SSBP2: variants seen among roughly 807,000 people sequenced by gnomAD.
The protein encoded by SSBP2 is single stranded DNA binding protein 2.
In SSBP2, 17 loss-of-function variants were observed where a neutral mutation model predicts 61.8. The ratio of observed to expected loss-of-function variants is 0.28; its 90% CI spans 0.19 to 0.41. The LOEUF (loss-of-function observed/expected upper bound fraction) is 0.41. Among genes scored for constraint, SSBP2 ranks in the 10% least tolerant of loss-of-function variants. The pLI is 1.00. For missense variants in SSBP2, 310 were observed against 458.7 expected (o/e 0.68, Z 2.96); for synonymous variants, 139 against 141.3 (o/e 0.98, Z 0.12).
intron 1 of SSBP2, among the ~76,000 whole-genome samples, chr5:81,718,989 T>G (rs962515988): frequency 5.3e-5 from 8 of 152,158 alleles, no homozygotes; most frequent in South Asian, 2.1e-4. Context: ...ACTAAATTTT[T>G]GGGGGTTTGT....
At chr5:81,475,692 A>G (rs1355423705) in intron 6 of SSBP2, among the ~76,000 whole-genome samples, 1 of 151,936 alleles carries the variant, frequency 6.6e-6, no homozygotes, top group Non-Finnish European at 1.5e-5. Flanking sequence ...AACTAAACTG[A>G]AAAAAAATCT....
At chr5:81,603,402 G>A (rs1411429513) in intron 4 of SSBP2, among the ~76,000 whole-genome samples, 2 of 152,234 alleles carry the variant, frequency 1.3e-5, no homozygotes, top group South Asian at 4.1e-4. Context: ...AGAGACCAGG[G>A]AAGAAGCCTC....
intron 1 of SSBP2, among the ~76,000 whole-genome samples, chr5:81,725,742 G>A (rs554578456): frequency 7.2e-5 from 11 of 152,230 alleles, no homozygotes; most frequent in South Asian, 4.1e-4. Flanking sequence ...CTGAAATACA[G>A]TTTTAAAAAG....
intron 4 of SSBP2, among the ~76,000 whole-genome samples, chr5:81,543,606 G>A (rs931134419): frequency 6.6e-6 from 1 of 152,052 alleles, no homozygotes; most frequent in South Asian, 2.1e-4. Flanking sequence ...TCAGCATCAT[G>A]CAATACATCC....
intron 1 of SSBP2, among the ~76,000 whole-genome samples, chr5:81,695,241 T>A (rs1267073799): frequency 6.6e-6 from 1 of 152,244 alleles, no homozygotes; most frequent in South Asian, 2.1e-4. Flanking sequence ...TTGTACTTCA[T>A]GTTGTATTCT....
At chr5:81,615,131 CATTT>C in intron 4 of SSBP2, 1 of 176,798 alleles carries the variant, frequency 5.7e-6, no homozygotes, top group Non-Finnish European at 1.2e-5. Context: ...AGAAATTTAT[CATTT>C]ACAGAAATCT....
intron 1 of SSBP2, among the ~76,000 whole-genome samples, chr5:81,727,680 T>C (rs1380706248): frequency 1.3e-5 from 2 of 152,226 alleles, no homozygotes; most frequent in Non-Finnish European, 2.9e-5. Context: ...GGACAGTAAA[T>C]ATAAATTGAG....
intron 4 of SSBP2, among the ~76,000 whole-genome samples, chr5:81,571,375 G>A (rs941829273): frequency 7.2e-5 from 11 of 152,138 alleles, no homozygotes; most frequent in Admixed American, 4.6e-4. Flanking sequence ...GCATTTTGCA[G>A]CCTTCTAATA....
intron 1 of SSBP2, among the ~76,000 whole-genome samples, chr5:81,667,746 C>A (rs1268411432): frequency 6.6e-6 from 1 of 151,998 alleles, no homozygotes; most frequent in East Asian, 1.9e-4. Context: ...TGAATTGTTA[C>A]CTCTACAGAG....
Position 81,415,454 on chromosome 5 carries a change from TG to T in SSBP2, c.*5049del, listed in dbSNP as rs1580618491. The T allele has an allele frequency of 6.6e-6, 1 of 152,326 alleles. No homozygotes were observed. Among genetic ancestry groups the T allele is most frequent in the East Asian group, 1.9e-4 (1 of 5,186 alleles). The allele number at this position is 152,326 out of a possible 1,614,324, so 9.4% of individuals were successfully genotyped here. A position where few individuals can be genotyped will look rare whatever the true frequency, so the allele number is the denominator to read the frequency against. ...CTAATACAATGTATTATAAATGCCA[TG>T]GAAATCATTGTTACAATGTATTATT... On this transcript the variant is annotated 3_prime_UTR_variant, in exon 17 of 17. Transcript: ENST00000320672.
rs547575123 is a variant in SSBP2 at position 81,622,872 on chromosome 5, C to G, written c.198-7315G>C. Among the ~76,000 whole-genome samples, 63 of 152,162 alleles carry G rather than the reference C, an allele frequency of 4.1e-4. 1 individual carries two copies. The South Asian group carries it at 0.013, about 32-fold the overall frequency. On this transcript the variant is annotated intron_variant, in intron 3 of 16. Coordinates refer to ENST00000320672, the MANE Select transcript of SSBP2 (RefSeq NM_012446.5). ...TTCAGTAAAGTAAGATTACCTTCAG[C>G]GGGGAAAAACGTGAAAAACTGCGTA...
intron 1 of SSBP2, among the ~76,000 whole-genome samples, chr5:81,741,028 C>A (rs1319367823): frequency 6.6e-6 from 1 of 152,106 alleles, no homozygotes. Flanking sequence ...CCATGTTAAG[C>A]GATGAAACAC....
At chr5:81,708,114 G>A (rs149536224) in intron 1 of SSBP2, among the ~76,000 whole-genome samples, 2 of 152,176 alleles carry the variant, frequency 1.3e-5, no homozygotes, top group Admixed American at 1.3e-4. Flanking sequence ...CTAAGACACA[G>A]CTATTACTGA....
chr5:81,424,595 C>A lies in SSBP2; in HGVS notation c.1056+3990G>T, dbSNP rs1401831022. ...CCTGGGTGTCTACATATGCAACGTG[C>A]TATTTACACTCCTGAGGCTGTAAAA... is the stretch of plus-strand genomic sequence containing the variant. On this transcript the variant is annotated intron_variant, in intron 16 of 16. Coordinates refer to ENST00000320672, the MANE Select transcript of SSBP2 (RefSeq NM_012446.5). Among the ~76,000 whole-genome samples the A allele has an allele frequency of 3.9e-5, 6 of 152,238 alleles. No individual in the cohort carries two copies. In the South Asian group the frequency reaches 1.2e-3, roughly 32 times the overall value.
At chr5:81,736,835 GGA>G (rs1320725760) in intron 1 of SSBP2, among the ~76,000 whole-genome samples, 4 of 152,102 alleles carry the variant, frequency 2.6e-5, no homozygotes, top group African/African-American at 9.7e-5. Flanking sequence ...GCTAACCAAG[GGA>G]GAGTTAAAAA....
At chr5:81,652,191 TC>T (rs1749789436) in intron 1 of SSBP2, among the ~76,000 whole-genome samples, 1 of 152,142 alleles carries the variant, frequency 6.6e-6, no homozygotes, top group Admixed American at 6.6e-5. Context: ...TTCAGAACGG[TC>T]AAGGCCAGGG....
At chr5:81,611,991 G>A (rs187667276) in intron 4 of SSBP2, among the ~76,000 whole-genome samples, 1 of 152,052 alleles carries the variant, frequency 6.6e-6, no homozygotes. Context: ...TATATCTTAT[G>A]TTAAGTACTC....
chr5:81,698,556 A>C (rs1447442648), intron 1 of SSBP2, among the ~76,000 whole-genome samples: 1 of 152,212 alleles, frequency 6.6e-6, no homozygotes, highest in Non-Finnish European at 1.5e-5. Flanking sequence ...TCACGCCTAT[A>C]ATCCTAGCAC....
chr5:81,705,227 A>C (rs966024872), intron 1 of SSBP2, among the ~76,000 whole-genome samples: 2 of 152,154 alleles, frequency 1.3e-5, no homozygotes. Flanking sequence ...AGAGGAAAAC[A>C]CTTGAAAATA....
Sources: gnomAD v4.1 joint callset for allele counts (sites outside exome capture counted in the v4.1 genomes callset) on GRCh38, gnomAD v4.1.1 for gene constraint, MANE v1.5 for transcripts, NCBI Gene and HGNC (gene_info 2026-07-23, HGNC 2026-07-21) for gene names.